The following SLC14A2 variants were observed in gnomAD, a reference collection of about 807,000 sequenced individuals.
SLC14A2 encodes the protein solute carrier family 14 member 2.
SLC14A2 carries 91 observed loss-of-function variants against 104.6 expected under a neutral mutation model. The observed-to-expected ratio is 0.87, with a 90% CI of 0.73 to 1.04. The LOEUF (loss-of-function observed/expected upper bound fraction) is 1.04. Among genes scored for constraint, SLC14A2 ranks in the 50% least tolerant of loss-of-function variants. The pLI is 0.00. For missense variants in SLC14A2, 1,189 were observed against 1,156.0 expected (o/e 1.03, Z -0.41); for synonymous variants, 476 against 466.4 (o/e 1.02, Z -0.27).
rs539473007 is a variant in SLC14A2 at position 45,486,836 on chromosome 18, C to A, written c.-35+3514C>A. ...GATAAATGTTGCAAAGTAGGTAATC[C>A]ATATAGTTAGAATGAAAAAATGTCA... is the stretch of plus-strand genomic sequence containing the variant. On this transcript the variant is annotated intron_variant, in intron 2 of 20. Coordinates refer to the SLC14A2 transcript ENST00000586448. Among the ~76,000 whole-genome samples, 5 of 152,178 alleles carry A rather than the reference C, an allele frequency of 3.3e-5. 1 individual carries two copies. In the South Asian group the frequency reaches 6.2e-4, roughly 19 times the overall value.
At chr18:45,348,226 T>C (rs1349285938) in intron 1 of SLC14A2, among the ~76,000 whole-genome samples, 2 of 152,218 alleles carry the variant, frequency 1.3e-5, no homozygotes, top group African/African-American at 4.8e-5. Flanking sequence ...GAAATTCTGG[T>C]TTGTGAGATG....
chr18:45,678,095 A>G (rs1419267735), intron 18 of SLC14A2, among the ~76,000 whole-genome samples: 1 of 152,162 alleles, frequency 6.6e-6, no homozygotes, highest in Non-Finnish European at 1.5e-5. Context: ...CTGGGATTAC[A>G]GACGTGAGCC....
At chr18:45,403,745 A>G (rs935844400) in intron 1 of SLC14A2, among the ~76,000 whole-genome samples, 7 of 90,508 alleles carry the variant, frequency 7.7e-5, no homozygotes, top group Admixed American at 7.2e-4. Context: ...GCACAGAGTA[A>G]CAATTTAATC....
intron 1 of SLC14A2, among the ~76,000 whole-genome samples, chr18:45,325,150 C>T (rs1266015294): frequency 6.6e-6 from 1 of 152,208 alleles, no homozygotes; most frequent in Non-Finnish European, 1.5e-5. Context: ...ACAGTGCTCT[C>T]ATTAGCTCAA....
At chr18:45,478,335 T>G (rs1568229818) in intron 1 of SLC14A2, among the ~76,000 whole-genome samples, 1 of 152,160 alleles carries the variant, frequency 6.6e-6, no homozygotes, top group Non-Finnish European at 1.5e-5. Context: ...CCAGTCCCAA[T>G]GAGATGAGCT....
chr18:45,668,635 G>A (rs2046075114), intron 15 of SLC14A2, among the ~76,000 whole-genome samples, 158 bp downstream of exon 15: 1 of 152,198 alleles, frequency 6.6e-6, no homozygotes, highest in Admixed American at 6.5e-5. Context: ...TTTATACCAT[G>A]GTAGCCCCAT....
chr18:45,267,626 G>A (rs1211219406), intron 1 of SLC14A2, among the ~76,000 whole-genome samples: 2 of 152,234 alleles, frequency 1.3e-5, no homozygotes, highest in Non-Finnish European at 2.9e-5. Flanking sequence ...ATGTTCAGAT[G>A]TCAAAGAACA....
chr18:45,262,121 C>A (rs1307885650), intron 1 of SLC14A2, among the ~76,000 whole-genome samples: 1 of 152,162 alleles, frequency 6.6e-6, no homozygotes, highest in East Asian at 1.9e-4. Flanking sequence ...GAGATGGTAT[C>A]TCATTGTGGT....
At chr18:45,592,153 T>C (rs1449666645) in intron 2 of SLC14A2, among the ~76,000 whole-genome samples, 3 of 152,240 alleles carry the variant, frequency 2.0e-5, no homozygotes, top group Non-Finnish European at 2.9e-5. Flanking sequence ...GGCCCAGCGA[T>C]AGCAGTTTCC....
At chr18:45,525,973 G>A (rs1046083617) in intron 2 of SLC14A2, among the ~76,000 whole-genome samples, 2 of 152,156 alleles carry the variant, frequency 1.3e-5, no homozygotes, top group Non-Finnish European at 2.9e-5. Context: ...GTAGCTCAAA[G>A]GGTATTTGTA....
At chr18:45,362,990 A>G (rs2085628442) in intron 1 of SLC14A2, among the ~76,000 whole-genome samples, 1 of 152,024 alleles carries the variant, frequency 6.6e-6, no homozygotes, top group Non-Finnish European at 1.5e-5. Context: ...AACGAAATCC[A>G]CCAGGGCCTG....
At chr18:45,203,141 A>C in the SLC14A2 span, among the ~76,000 whole-genome samples, 1 of 152,178 alleles carries the variant, frequency 6.6e-6, no homozygotes, top group Non-Finnish European at 1.5e-5. Context: ...AGGCACTTCA[A>C]AAGCAAATCT....
At chr18:45,494,769 A>G (rs1255271929) in intron 2 of SLC14A2, among the ~76,000 whole-genome samples, 3 of 151,862 alleles carry the variant, frequency 2.0e-5, no homozygotes, top group African/African-American at 4.8e-5. Flanking sequence ...ATGCCCTGCT[A>G]TTCCTATCTC....
intron 1 of SLC14A2, among the ~76,000 whole-genome samples, chr18:45,228,373 T>A (rs747579206): frequency 3.3e-5 from 5 of 151,914 alleles, no homozygotes; most frequent in Non-Finnish European, 7.4e-5. Context: ...ACTGTGGGAG[T>A]CCTCCCTTAG....
chr18:45,516,260 T>C (rs2043439529), intron 2 of SLC14A2, among the ~76,000 whole-genome samples: 1 of 152,186 alleles, frequency 6.6e-6, no homozygotes, highest in Non-Finnish European at 1.5e-5. Flanking sequence ...CCTCCCTCCC[T>C]TCTTCCTTTC....
chr18:45,366,545 C>A (rs1347686892), intron 1 of SLC14A2, among the ~76,000 whole-genome samples: 1 of 152,298 alleles, frequency 6.6e-6, no homozygotes, highest in South Asian at 2.1e-4. Context: ...TTCTACCTCC[C>A]TTTTCAACAT....
At position 45,500,344 on chromosome 18, in the gene SLC14A2, G is replaced by A. The variant is rs540569172; in HGVS notation, c.-35+17022G>A. ...TGTAATCCCAGCACTTTGGGAGGCCGAGGCGGGCGGATCACGAGGTCAGGA... is the reference window on the plus strand; with the variant it reads ...TGTAATCCCAGCACTTTGGGAGGCCAAGGCGGGCGGATCACGAGGTCAGGA... On this transcript the variant is annotated intron_variant, in intron 2 of 20. Transcript: ENST00000586448. Among the ~76,000 whole-genome samples, 986 of 152,090 alleles carry A rather than the reference G, an allele frequency of 6.5e-3. 7 individuals are homozygous for A. Among genetic ancestry groups the A allele is most frequent in the African/African-American group, 0.023 (947 of 41,510 alleles).
intron 1 of SLC14A2, among the ~76,000 whole-genome samples, chr18:45,478,910 T>C (rs2087439566): frequency 6.6e-6 from 1 of 152,204 alleles, no homozygotes; most frequent in Admixed American, 6.5e-5. Flanking sequence ...TCCCCTTTTC[T>C]TAATGGAAGA....
intron 1 of SLC14A2, among the ~76,000 whole-genome samples, chr18:45,234,139 C>T (rs904696317): frequency 9.9e-5 from 15 of 152,082 alleles, no homozygotes; most frequent in Non-Finnish European, 2.2e-4. Context: ...AATTCCTTAA[C>T]CTGCCCAGCA....
Sources: gnomAD v4.1 joint callset for allele counts (sites outside exome capture counted in the v4.1 genomes callset) on GRCh38, gnomAD v4.1.1 for gene constraint, MANE v1.5 for transcripts, NCBI Gene and HGNC (gene_info 2026-07-23, HGNC 2026-07-21) for gene names.